The following BRS3 variants were observed in gnomAD, a reference collection of about 807,000 sequenced individuals.
BRS3 encodes the protein bombesin receptor subtype-3.
In BRS3, 5 loss-of-function variants were observed where a neutral mutation model predicts 18.8. The ratio of observed to expected loss-of-function variants is 0.27; its 90% CI spans 0.14 to 0.56. The LOEUF (loss-of-function observed/expected upper bound fraction) is 0.56, where lower values mean the gene tolerates loss of function less well. Ranked by LOEUF, BRS3 falls within the 20% of genes least tolerant of loss-of-function variation. The pLI is 0.93. For synonymous variants in BRS3, 121 were observed against 115.0 expected (o/e 1.05, Z -0.33); for missense variants, 215 against 296.3 (o/e 0.73, Z 2.01).
chrX:136,492,512 G>A lies in BRS3; in HGVS notation c.*137G>A, dbSNP rs3027834. On this transcript the variant is annotated 3_prime_UTR_variant, in exon 3 of 3. Coordinates refer to ENST00000370648, the MANE Select transcript of BRS3 (RefSeq NM_001727.2). ...AGGAGTGAAGGATCCCTATAAGTAA[G>A]TAAAATACAAACCATTACTTTCTTC... 0.028 allele frequency: 16,137 copies of A among 581,317 alleles called. 970 individuals carry two copies. Among genetic ancestry groups the A allele is most frequent in the African/African-American group, 0.23 (10,033 of 43,461 alleles). 47.9% of individuals were successfully genotyped at this position (581,317 alleles called of 1,213,427 possible).
At chrX:136,491,228 A>G (rs1157638808) in intron 2 of BRS3, among the ~76,000 whole-genome samples, 1 of 112,307 alleles carries the variant, frequency 8.9e-6, no homozygotes, top group Non-Finnish European at 1.9e-5. Context: ...CGGTACGCAG[A>G]GAACTGTGCC....
chrX:136,491,915 T>TTG (rs2075671329), intron 2 of BRS3, 47 bp from the exon 3 acceptor site: 2 of 420,382 alleles, frequency 4.8e-6, no homozygotes, highest in Non-Finnish European at 6.2e-6. Context: ...TTTTTTGTGT[T>TTG]TTTTTTTTTT....
chrX:136,488,338 C>T lies in BRS3; in HGVS notation c.224C>T (p.Thr75Ile), dbSNP rs1367877085. The change falls in exon 1 of 3, where the codon ACC becomes ATC. Residue 75 changes from threonine to isoleucine, a missense_variant. By Grantham distance (89) the Thr-to-Ile change is moderately conservative. Coordinates refer to ENST00000370648, the MANE Select transcript of BRS3 (RefSeq NM_001727.2). ...ATTCTCATCAAAGTCTTTTTCAAGA[C>T]CAAATCCATGCAAACAGTTCCAAAT... ...NAILIKVFFKTKSMQTVPNIF... is the reference protein window; with the variant it reads ...NAILIKVFFKIKSMQTVPNIF... 1 of 1,211,930 alleles carries T rather than the reference C, an allele frequency of 8.3e-7. No homozygotes were observed. Among genetic ancestry groups the T allele is most frequent in the East Asian group, 3.0e-5 (1 of 33,856 alleles).
chrX:136,490,496 T>G lies in BRS3; in HGVS notation c.786+12T>G, dbSNP rs749158311. 1 of 1,101,919 alleles carries G rather than the reference T, an allele frequency of 9.1e-7. No individual in the cohort carries two copies. The highest frequency in any genetic ancestry group is 3.0e-5 in the East Asian group (1 of 32,995). 90.8% of individuals were successfully genotyped at this position (1,101,919 alleles called of 1,213,427 possible). ...ATGCCCGTAAGCAGGTATGTATTAATCAGTACTCATGCAAATCTAGTTTGA... is the reference window on the plus strand; with the variant it reads ...ATGCCCGTAAGCAGGTATGTATTAAGCAGTACTCATGCAAATCTAGTTTGA... On this transcript the variant is annotated intron_variant, in intron 2 of 2. Coordinates refer to ENST00000370648, the MANE Select transcript of BRS3 (RefSeq NM_001727.2).
In BRS3 at chrX:136,490,441, C is replaced by T. The variant is rs1432298084; in HGVS notation, c.743C>T (p.Thr248Ile). 1.7e-6 allele frequency: 2 copies of T among 1,191,726 alleles called. No homozygotes were observed. Among genetic ancestry groups the T allele is most frequent in the African/African-American group, 3.5e-5 (2 of 56,877 alleles). The change falls in exon 2 of 3, where the codon ACC (threonine) becomes ATC (isoleucine). Residue 248 changes from threonine (T) to isoleucine (I), a missense_variant. Thr to Ile is a moderately conservative substitution (Grantham distance 89). Coordinates refer to ENST00000370648, the MANE Select transcript of BRS3 (RefSeq NM_001727.2). ...ATTGCTAGGACCCTTTACAAAAGCA[C>T]CCTGAACATACCTACTGAGGAACAA... ...SLIARTLYKS[T>I]LNIPTEEQSH...
rs1465605474 is a variant in BRS3 at position 136,488,046 on chromosome X, A to C, written c.-69A>C. Reference sequence around the variant, plus strand: ...TACCATCTCGTTACTAGACGTAGGCATTGGACGTGACAATCAACTGCATTT... The same window carrying C: ...TACCATCTCGTTACTAGACGTAGGCCTTGGACGTGACAATCAACTGCATTT... On this transcript the variant is annotated 5_prime_UTR_variant, in exon 1 of 3. Transcript: ENST00000370648. 1.4e-5 allele frequency: 14 copies of C among 1,027,932 alleles called. No homozygotes were observed. The highest frequency in any genetic ancestry group is 1.5e-5 in the Non-Finnish European group (11 of 756,954). 84.7% of individuals were successfully genotyped at this position (1,027,932 alleles called of 1,213,427 possible).
In BRS3 at chrX:136,492,121, C is replaced by A. The variant is rs752513205; in HGVS notation, c.946C>A (p.Arg316=). Residue 316 remains arginine (R), a synonymous_variant, in exon 3 of 3, where the codon CGG becomes AGG. Transcript: ENST00000370648. ...GCATTTCATTTTCACCATTTTCTCT[C>A]GGGTTTTGGCTTTCAGCAATTCTTG... is the stretch of plus-strand genomic sequence containing the variant. The part of the protein sequence containing the change: ...AMHFIFTIFS[R]VLAFSNSCVN... 1.2e-5 allele frequency: 15 copies of A among 1,207,924 alleles called. No individual in the cohort carries two copies. Among genetic ancestry groups the A allele is most frequent in the Non-Finnish European group, 1.6e-5 (14 of 894,877 alleles).
In BRS3 at chrX:136,492,520, C is replaced by A; in HGVS notation, c.*145C>A. 1 of 530,585 alleles carries A rather than the reference C, an allele frequency of 1.9e-6. No individual in the cohort carries two copies. Among genetic ancestry groups the A allele is most frequent in the Non-Finnish European group, 2.8e-6 (1 of 355,507 alleles). The allele number at this position is 530,585 out of a possible 1,213,427, so 43.7% of individuals were successfully genotyped here. A position where few individuals can be genotyped will look rare whatever the true frequency, so the allele number is the denominator to read the frequency against. On this transcript the variant is annotated 3_prime_UTR_variant, in exon 3 of 3. Transcript: ENST00000370648. The stretch of plus-strand genomic sequence containing the variant: ...AGGATCCCTATAAGTAAGTAAAATA[C>A]AAACCATTACTTTCTTCAAAGTACA...
intron 2 of BRS3, among the ~76,000 whole-genome samples, chrX:136,491,611 G>A (rs1399160343): frequency 8.9e-6 from 1 of 112,073 alleles, no homozygotes. Context: ...AAATTTTGGA[G>A]AATTCCACGG....
chrX:136,491,939 T>TTTTTTG, intron 2 of BRS3, 23 bp from the exon 3 acceptor site: 1 of 756,459 alleles, frequency 1.3e-6, no homozygotes, highest in Non-Finnish European at 1.7e-6. Flanking sequence ...TTTTTTTTTT[T>TTTTTTG]GCTATGTTTC....
chrX:136,492,448 G>A lies in BRS3; in HGVS notation c.*73G>A. On this transcript the variant is annotated 3_prime_UTR_variant, in exon 3 of 3. Coordinates refer to ENST00000370648, the MANE Select transcript of BRS3 (RefSeq NM_001727.2). ...TCTAAGCTGTGTGCAGGTGTATGGT[G>A]TCCAGATTTTTGTTGTTTGAAAAGT... 1.9e-6 allele frequency: 2 copies of A among 1,051,879 alleles called. No individual in the cohort carries two copies. Among genetic ancestry groups the A allele is most frequent in the Non-Finnish European group, 2.5e-6 (2 of 796,834 alleles). The allele number at this position is 1,051,879 out of a possible 1,213,427, so 86.7% of individuals were successfully genotyped here. A position where few individuals can be genotyped will look rare whatever the true frequency, so the allele number is the denominator to read the frequency against.
chrX:136,491,724 C>T (rs1234071077), intron 2 of BRS3, among the ~76,000 whole-genome samples: 2 of 110,971 alleles, frequency 1.8e-5, no homozygotes, highest in Admixed American at 1.9e-4. Context: ...GTTACCATGC[C>T]AATTGACTTG....
intron 1 of BRS3, among the ~76,000 whole-genome samples, chrX:136,489,562 T>C: frequency 9.0e-6 from 1 of 111,369 alleles, no homozygotes; most frequent in East Asian, 2.8e-4. Flanking sequence ...GGACTTCTGA[T>C]TGCAACTTTG....
intron 2 of BRS3, 46 bp from the exon 3 acceptor site, chrX:136,491,913 GTTT>G (rs754593042): frequency 6.3e-4 from 275 of 436,444 alleles, no homozygotes; most frequent in East Asian, 4.6e-3. Context: ...TGTTTTTTGT[GTTT>G]TTTTTTTTTT....
chrX:136,492,418 C>T lies in BRS3; in HGVS notation c.*43C>T. 1.7e-6 allele frequency: 2 copies of T among 1,155,226 alleles called. No homozygotes were observed. Among genetic ancestry groups the T allele is most frequent in the Non-Finnish European group, 2.3e-6 (2 of 863,048 alleles). On this transcript the variant is annotated 3_prime_UTR_variant, in exon 3 of 3. Coordinates refer to ENST00000370648, the MANE Select transcript of BRS3 (RefSeq NM_001727.2). ...CTGCTTCTCCTCCCAGCGTGTGTAT[C>T]CGACTCTAAGCTGTGTGCAGGTGTA...
Position 136,491,958 on chromosome X carries a change from A to G in BRS3, c.787-4A>G. ...TTTTTTTGCTATGTTTCTTCCCCCT[A>G]TAGATTGAATCCCGAAAGAGAATTG... On this transcript the variant is annotated splice_region_variant and splice_polypyrimidine_tract_variant and intron_variant, in intron 2 of 2. Coordinates refer to ENST00000370648, the MANE Select transcript of BRS3 (RefSeq NM_001727.2). 1 of 598,104 alleles carries G rather than the reference A, an allele frequency of 1.7e-6. No homozygotes were observed. The highest frequency in any genetic ancestry group is 3.6e-5 in the South Asian group (1 of 27,945). The allele number at this position is 598,104 out of a possible 1,213,427, so 49.3% of individuals were successfully genotyped here. A position where few individuals can be genotyped will look rare whatever the true frequency, so the allele number is the denominator to read the frequency against.
Sources: gnomAD v4.1 joint callset for allele counts (sites outside exome capture counted in the v4.1 genomes callset) on GRCh38, gnomAD v4.1.1 for gene constraint, MANE v1.5 for transcripts, NCBI Gene and HGNC (gene_info 2026-07-23, HGNC 2026-07-21) for gene names.